The following FOXJ2 variants were observed in gnomAD, a reference collection of about 807,000 sequenced individuals.
FOXJ2 encodes forkhead box protein J2.
Under a neutral mutation model 68.4 loss-of-function variants are expected in FOXJ2, and 18 were observed. The observed-to-expected ratio is 0.26, with a 90% CI of 0.18 to 0.39. The LOEUF (loss-of-function observed/expected upper bound fraction) is 0.39, where lower values mean the gene tolerates loss of function less well. FOXJ2 is among the 10% of genes least tolerant of loss of function. FOXJ2 has a pLI of 1.00. For missense variants in FOXJ2, 670 were observed against 726.5 expected (o/e 0.92, Z 0.89); for synonymous variants, 274 against 263.2 (o/e 1.04, Z -0.40).
Position 8,053,506 on chromosome 12 carries a change from A to G in FOXJ2, c.*656A>G, listed in dbSNP as rs966016333. 4 of 152,666 alleles carry G rather than the reference A, an allele frequency of 2.6e-5. No homozygotes were observed. Among genetic ancestry groups the G allele is most frequent in the Non-Finnish European group, 5.9e-5 (4 of 68,074 alleles). The allele number at this position is 152,666 out of a possible 1,614,324, so 9.5% of individuals were successfully genotyped here. A position where few individuals can be genotyped will look rare whatever the true frequency, so the allele number is the denominator to read the frequency against. On this transcript the variant is annotated 3_prime_UTR_variant, in exon 11 of 11. Transcript: ENST00000162391. This position sits in a 1 kb window ranked among gnomAD's most constrained non-coding sequence, Gnocchi z 4.1. Reference sequence around the variant, plus strand: ...ATGATGGTGGTGCAGGAGGGTGACAATAAAATCCTAGTGGAATTGGAGACC... The same window carrying G: ...ATGATGGTGGTGCAGGAGGGTGACAGTAAAATCCTAGTGGAATTGGAGACC...
rs199687210 is a variant in FOXJ2 at position 8,052,860 on chromosome 12, G to C, written c.*10G>C. 6.3e-7 allele frequency: 1 copy of C among 1,598,148 alleles called. No individual in the cohort carries two copies. On this transcript the variant is annotated 3_prime_UTR_variant, in exon 11 of 11. Transcript: ENST00000162391. ...GGACTTGATCACTTAGTGCATCACA[G>C]AGTGTGGACATCAGCCCAGGGCCGC...
chr12:8,048,515 T>A (rs915221292), intron 7 of FOXJ2, among the ~76,000 whole-genome samples, 182 bp from the exon 8 acceptor site: 2 of 152,266 alleles, frequency 1.3e-5, no homozygotes, highest in African/African-American at 4.8e-5. Context: ...AGCCTGGCTG[T>A]ACTTAAAGCG....
Position 8,032,809 on chromosome 12 carries a change from G to GAGCGGTGGCAGCGCGGGGAGCCCC in FOXJ2, c.-1037_-1014dup. 1 of 398,300 alleles carries GAGCGGTGGCAGCGCGGGGAGCCCC rather than the reference G, an allele frequency of 2.5e-6. No homozygotes were observed. Among genetic ancestry groups the GAGCGGTGGCAGCGCGGGGAGCCCC allele is most frequent in the Non-Finnish European group, 4.4e-6 (1 of 225,890 alleles). 24.7% of individuals were successfully genotyped at this position (398,300 alleles called of 1,614,324 possible). A position where few individuals can be genotyped will look rare whatever the true frequency, so the allele number is the denominator to read the frequency against. On this transcript the variant is annotated 5_prime_UTR_variant, in exon 1 of 11. Coordinates refer to ENST00000162391, the MANE Select transcript of FOXJ2 (RefSeq NM_018416.3). This position sits in a 1 kb window ranked among gnomAD's most constrained non-coding sequence, Gnocchi z 4.8. ...CGGGAGCCCAGACTGGTCGGAGCCC[G>GAGCGGTGGCAGCGCGGGGAGCCCC]AGCGGTGGCAGCGCGGGGAGCCCCA...
In FOXJ2 at chr12:8,049,406, C is replaced by T. The variant is rs1947083682; in HGVS notation, c.1372C>T (p.Leu458Phe). The T allele has an allele frequency of 1.2e-6, 2 of 1,614,044 alleles. No homozygotes were observed. The highest frequency in any genetic ancestry group is 1.7e-6 in the Non-Finnish European group (2 of 1,179,984). The change falls in exon 9 of 11, where the codon CTC becomes TTC. Residue 458 changes from leucine to phenylalanine, a missense_variant. By Grantham distance (22) the Leu-to-Phe change is conservative. This residue lies in a region of FOXJ2 where 555 missense variants were observed against 562.2 expected (regional missense o/e 0.99). Transcript: ENST00000162391. Reference sequence around the variant, plus strand: ...ACAGGCAGAGCAGAAGAACTGGACCCTCGACCAGCATCACATTGCCAATCT... The same window carrying T: ...ACAGGCAGAGCAGAAGAACTGGACCTTCGACCAGCATCACATTGCCAATCT... ...LRQAEQKNWT[L>F]DQHHIANLCD...
At chr12:8,039,773 A>G in intron 1 of FOXJ2, 46 bp from the exon 2 acceptor site, 1 of 1,476,758 alleles carries the variant, frequency 6.8e-7, no homozygotes, top group Non-Finnish European at 9.2e-7. Flanking sequence ...GGATTTGAGT[A>G]TTACTTGCCC....
In FOXJ2 at chr12:8,054,723, G is replaced by T. The variant is rs1311277532; in HGVS notation, c.*1873G>T. 1 of 152,530 alleles carries T rather than the reference G, an allele frequency of 6.6e-6. No individual in the cohort carries two copies. The highest frequency in any genetic ancestry group is 1.9e-4 in the East Asian group (1 of 5,196). 9.4% of individuals were successfully genotyped at this position (152,530 alleles called of 1,614,324 possible). A position where few individuals can be genotyped will look rare whatever the true frequency, so the allele number is the denominator to read the frequency against. ...GTATGACATAATATTTCCCATTGGGGAAAGGAGAATTTCTCTTAGAGGGTG... is the reference window on the plus strand; with the variant it reads ...GTATGACATAATATTTCCCATTGGGTAAAGGAGAATTTCTCTTAGAGGGTG... On this transcript the variant is annotated 3_prime_UTR_variant, in exon 11 of 11. Coordinates refer to ENST00000162391, the MANE Select transcript of FOXJ2 (RefSeq NM_018416.3).
Position 8,036,848 on chromosome 12 carries a change from G to GGA in FOXJ2, c.-14-2968_-14-2967dup, listed in dbSNP as rs147709063. 9.3e-3 allele frequency among the ~76,000 whole-genome samples: 1,421 copies of GGA among 152,228 alleles called. 6 individuals carry two copies. Among genetic ancestry groups the GGA allele is most frequent in the Non-Finnish European group, 0.016 (1,121 of 68,020 alleles). ...TCACACCTGTAATCCCAGCACTTTG[G>GGA]GAGACCGAGATGGGTAGATCACCTG... On this transcript the variant is annotated intron_variant, in intron 1 of 10. Transcript: ENST00000162391.
At chr12:8,048,928 C>T in intron 8 of FOXJ2, 130 bp downstream of exon 8, 1 of 684,934 alleles carries the variant, frequency 1.5e-6, no homozygotes, top group East Asian at 2.6e-5. Flanking sequence ...TTTCTTTTTA[C>T]ACAAGATGGA....
rs767761521 is a variant in FOXJ2 at position 8,044,021 on chromosome 12, C to G, written c.548C>G (p.Ala183Gly). ...PRGGVAGSGEASLPPEGNPQM... is the reference protein window; with the variant it reads ...PRGGVAGSGEGSLPPEGNPQM... ...GGAGGCGTTGCAGGGAGTGGAGAAG[C>G]CTCACTGCCTCCTGAGGGGAATCCG... Residue 183 changes from alanine (A) to glycine (G), a missense_variant, in exon 5 of 11, where the codon GCC (alanine) becomes GGC (glycine). By Grantham distance (60) the Ala-to-Gly change is moderately conservative. Transcript: ENST00000162391. The G allele has an allele frequency of 3.1e-6, 5 of 1,589,276 alleles. No individual in the cohort carries two copies. The highest frequency in any genetic ancestry group is 1.8e-5 in the Admixed American group (1 of 54,676).
rs1387873186 is a variant in FOXJ2 at position 8,049,589 on chromosome 12, T to C, written c.1537+18T>C. ...GAGCCAAGGTACTGCACCAAGCCAG[T>C]TGCCATGGAGGTGGAGACTATGTTG... On this transcript the variant is annotated intron_variant, in intron 9 of 10. Transcript: ENST00000162391. The C allele has an allele frequency of 6.5e-7, 1 of 1,544,116 alleles. No homozygotes were observed. Among genetic ancestry groups the C allele is most frequent in the Non-Finnish European group, 8.8e-7 (1 of 1,139,226 alleles).
At chr12:8,048,835 C>T (rs773830291) in intron 8 of FOXJ2, 37 bp downstream of exon 8, 2 of 1,563,570 alleles carry the variant, frequency 1.3e-6, no homozygotes, top group African/African-American at 2.7e-5. Flanking sequence ...GAGGGATACA[C>T]TGTAAGGGAA....
At position 8,042,745 on chromosome 12, in the gene FOXJ2, T is replaced by C. The variant is rs761694955; in HGVS notation, c.408+13T>C. ...TGACCCTGGGAAGGTAAGATACTAC[T>C]GTAAGCATTGAAAGGAGGAGTAGGA... On this transcript the variant is annotated intron_variant, in intron 3 of 10. Transcript: ENST00000162391. 56 of 1,607,150 alleles carry C rather than the reference T, an allele frequency of 3.5e-5. No homozygotes were observed. In the East Asian group the frequency reaches 1.2e-3, roughly 35 times the overall value.
Position 8,040,166 on chromosome 12 carries a change from G to T in FOXJ2, c.333+1G>T. Reference sequence around the variant, plus strand: ...CAAGAATGCTGGCATTGGTTGGAAGGTGGGAATGCTTCTATAATCTTGGCT... The same window carrying T: ...CAAGAATGCTGGCATTGGTTGGAAGTTGGGAATGCTTCTATAATCTTGGCT... On this transcript the variant is annotated splice_donor_variant, in intron 2 of 10. Transcript: ENST00000162391. LOFTEE classifies it high-confidence loss of function. This position sits in a 1 kb window ranked among gnomAD's most constrained non-coding sequence, Gnocchi z 4.0. 1 of 1,613,636 alleles carries T rather than the reference G, an allele frequency of 6.2e-7. No individual in the cohort carries two copies. The highest frequency in any genetic ancestry group is 8.5e-7 in the Non-Finnish European group (1 of 1,179,604).
rs764388605 is a variant in FOXJ2, at chr12:8,044,866, C to T, written c.725C>T (p.Ser242Phe). The change falls in exon 6 of 11, where the codon TCC (serine) becomes TTC (phenylalanine). Residue 242 changes from serine (S) to phenylalanine (F), a missense_variant. Transcript: ENST00000162391. ...LYNTNHDFKF[S>F]YSEINFQDLS... ...AACACCAACCATGACTTTAAATTCT[C>T]CTACTCAGAGATCAACTTTCAGGAT... The T allele has an allele frequency of 1.2e-6, 2 of 1,614,110 alleles. No individual in the cohort carries two copies. The highest frequency in any genetic ancestry group is 3.3e-5 in the Admixed American group (2 of 60,022).
chr12:8,050,830 CCCCTCCCTTCCTTT>C (rs1947106912), intron 10 of FOXJ2, among the ~76,000 whole-genome samples: 1 of 122,190 alleles, frequency 8.2e-6, no homozygotes, highest in African/African-American at 3.1e-5. Flanking sequence ...CCCCTCCCTT[CCCCTCCCTTCCTTT>C]CCCTTCCCCT....
rs1946879907 is a variant in FOXJ2, at chr12:8,035,102, T to C, written c.-15+1269T>C. On this transcript the variant is annotated intron_variant, in intron 1 of 10. Coordinates refer to ENST00000162391, the MANE Select transcript of FOXJ2 (RefSeq NM_018416.3). This position sits in a 1 kb window ranked among gnomAD's most constrained non-coding sequence, Gnocchi z 4.0. ...CATTTGTCCTGGAAGCTACTGGTGG[T>C]ATATGAGATAGGGCACAGGTTTGTG... 6.6e-6 allele frequency among the ~76,000 whole-genome samples: 1 copy of C among 152,204 alleles called. No homozygotes were observed. The highest frequency in any genetic ancestry group is 2.1e-4 in the South Asian group (1 of 4,834).
rs746282556 is a variant in FOXJ2 at position 8,040,825 on chromosome 12, C to T, written c.333+660C>T. ...AGTCACTGTGCAAGGCATGGCATCA[C>T]TCCTTCCTACCTAGAGGTAGGAGTC... is the stretch of plus-strand genomic sequence containing the variant. On this transcript the variant is annotated intron_variant, in intron 2 of 10. Transcript: ENST00000162391. This position sits in a 1 kb window ranked among gnomAD's most constrained non-coding sequence, Gnocchi z 4.0. Among the ~76,000 whole-genome samples, 1 of 152,172 alleles carries T rather than the reference C, an allele frequency of 6.6e-6. No individual in the cohort carries two copies. The highest frequency in any genetic ancestry group is 2.4e-5 in the African/African-American group (1 of 41,440).
intron 10 of FOXJ2, among the ~76,000 whole-genome samples, 193 bp downstream of exon 10, chr12:8,050,813 GTCCCCTCCCC>G (rs1312110150): frequency 1.8e-3 from 271 of 148,724 alleles, no homozygotes; most frequent in African/African-American, 6.5e-3. Flanking sequence ...CGAAGACAGT[GTCCCCTCCCC>G]TCCCTTCCCC....
chr12:8,044,953 A>C lies in FOXJ2; in HGVS notation c.812A>C (p.Gln271Pro), dbSNP rs748782251. 3.1e-6 allele frequency: 5 copies of C among 1,614,098 alleles called. No homozygotes were observed. The East Asian group carries it at 8.9e-5, about 29-fold the overall frequency. ...CTGGAGAAGTCCTCTTCCTCCTCTC[A>C]GCACGGTGAGTCTGGAGTTGGGATG... ...SMLEKSSSSS[Q>P]HGFSSLLGDI... The change falls in exon 6 of 11, where the codon CAG becomes CCG. Residue 271 changes from glutamine to proline, a missense_variant. Coordinates refer to ENST00000162391, the MANE Select transcript of FOXJ2 (RefSeq NM_018416.3).
Sources: gnomAD v4.1 joint callset for allele counts (sites outside exome capture counted in the v4.1 genomes callset) on GRCh38, gnomAD v4.1.1 for gene constraint, gnomAD v4.1.1 regional missense constraint, Gnocchi (gnomAD v3.1) non-coding constraint, MANE v1.5 for transcripts, NCBI Gene and HGNC (gene_info 2026-07-23, HGNC 2026-07-21) for gene names.